The following B3GALT1 variants were observed in gnomAD, a reference collection of about 807,000 sequenced individuals.
B3GALT1 encodes the protein beta-1,3-galactosyltransferase 1, also known as UDP-Gal:betaGlcNAc beta 1,3-galactosyltransferase, polypeptide 1.
Under a neutral mutation model 23.2 loss-of-function variants are expected in B3GALT1, and 10 were observed. That is an observed-to-expected ratio of 0.43 (90% CI 0.27 to 0.73). The LOEUF (loss-of-function observed/expected upper bound fraction) is 0.73. Ranked by LOEUF, B3GALT1 falls within the 30% of genes least tolerant of loss-of-function variation. The pLI is 0.21. For missense variants in B3GALT1, 299 were observed against 405.4 expected (o/e 0.74, Z 2.25); for synonymous variants, 156 against 141.5 (o/e 1.10, Z -0.73).
chr2:167,322,530 CTAAA>C (rs745680414), intron 1 of B3GALT1, among the ~76,000 whole-genome samples: 122 of 152,010 alleles, frequency 8.0e-4, no homozygotes, highest in Non-Finnish European at 1.4e-3. Flanking sequence ...CTGTAATAGA[CTAAA>C]TAATTGCACA....
chr2:167,567,386 G>A (rs965343676), intron 2 of B3GALT1, among the ~76,000 whole-genome samples: 37 of 151,970 alleles, frequency 2.4e-4, no homozygotes, highest in Non-Finnish European at 4.3e-4. Context: ...ATAATCCAAG[G>A]CCATCTCAAG....
chr2:167,413,489 C>A (rs1327797918), intron 1 of B3GALT1, among the ~76,000 whole-genome samples: 1 of 151,944 alleles, frequency 6.6e-6, no homozygotes, highest in African/African-American at 2.4e-5. Flanking sequence ...TTTTTAAATT[C>A]ATAAATTACT....
intron 3 of B3GALT1, among the ~76,000 whole-genome samples, chr2:167,787,061 G>T (rs1397424530): frequency 6.6e-6 from 1 of 152,152 alleles, no homozygotes; most frequent in Non-Finnish European, 1.5e-5. Flanking sequence ...TTATGGCCTG[G>T]TCCGTCTGTA....
At chr2:167,726,708 C>T (rs1243299002) in intron 3 of B3GALT1, among the ~76,000 whole-genome samples, 1 of 152,226 alleles carries the variant, frequency 6.6e-6, no homozygotes, top group African/African-American at 2.4e-5. Flanking sequence ...AAATTAATAA[C>T]ATGTCTAATT....
intron 3 of B3GALT1, among the ~76,000 whole-genome samples, chr2:167,788,934 T>C (rs1242867348): frequency 6.6e-6 from 1 of 152,136 alleles, no homozygotes; most frequent in Non-Finnish European, 1.5e-5. Flanking sequence ...CATTCCATAT[T>C]CCTGTGTATA....
intron 1 of B3GALT1, among the ~76,000 whole-genome samples, chr2:167,457,409 G>A (rs1461029199): frequency 6.6e-6 from 1 of 151,832 alleles, no homozygotes; most frequent in Admixed American, 6.6e-5. Flanking sequence ...CTGACCTCAG[G>A]TGATCCACCC....
chr2:167,663,308 G>C (rs1262088170), intron 3 of B3GALT1, among the ~76,000 whole-genome samples: 1 of 151,866 alleles, frequency 6.6e-6, no homozygotes, highest in Non-Finnish European at 1.5e-5. Context: ...TTTTATGGCT[G>C]CATAGTATTC....
At chr2:167,789,159 G>A (rs1010611669) in intron 3 of B3GALT1, among the ~76,000 whole-genome samples, 7 of 152,192 alleles carry the variant, frequency 4.6e-5, no homozygotes, top group African/African-American at 9.7e-5. Context: ...TGAGGCATCG[G>A]AAGACAGGTC....
At chr2:167,294,604 T>G in intron 1 of B3GALT1, among the ~76,000 whole-genome samples, 1 of 152,172 alleles carries the variant, frequency 6.6e-6, no homozygotes, top group South Asian at 2.1e-4. Flanking sequence ...GAGTATCTGC[T>G]TAGGAAAGTT....
At chr2:167,440,275 G>A (rs940503037) in intron 1 of B3GALT1, among the ~76,000 whole-genome samples, 4 of 150,198 alleles carry the variant, frequency 2.7e-5, no homozygotes, top group Non-Finnish European at 3.0e-5. Context: ...CCTGGGAGGC[G>A]GAGCTTGCAG....
At chr2:167,725,278 G>A (rs1303452357) in intron 3 of B3GALT1, among the ~76,000 whole-genome samples, 1 of 152,064 alleles carries the variant, frequency 6.6e-6, no homozygotes, top group Non-Finnish European at 1.5e-5. Flanking sequence ...GCACTGACTG[G>A]CTTCTATACT....
chr2:167,382,170 C>T (rs1005010126), intron 1 of B3GALT1, among the ~76,000 whole-genome samples: 10 of 152,230 alleles, frequency 6.6e-5, no homozygotes, highest in African/African-American at 2.2e-4. Flanking sequence ...ATATAATGTC[C>T]GTGATTCCAC....
intron 2 of B3GALT1, among the ~76,000 whole-genome samples, chr2:167,591,131 T>C (rs1684672087): frequency 1.3e-5 from 2 of 152,152 alleles, no homozygotes; most frequent in African/African-American, 4.8e-5. Flanking sequence ...AAATCTGATG[T>C]TGCTAAGTAC....
rs1686913766 is a variant in B3GALT1 at position 167,703,501 on chromosome 2, T to TTATC, written c.-352+56537_-352+56538insTCTA. The stretch of plus-strand genomic sequence containing the variant: ...AACAGTTGGTACTGAAGGATTAAAA[T>TTATC]TAAGGTTAAAAACAGGAATGGTTGA... On this transcript the variant is annotated intron_variant, in intron 3 of 4. Transcript: ENST00000392690. 1.8e-4 allele frequency among the ~76,000 whole-genome samples: 3 copies of TTATC among 16,966 alleles called. 1 individual carries two copies. In the South Asian group the frequency reaches 0.01, roughly 58 times the overall value. 11.1% of individuals were successfully genotyped at this position (16,966 alleles called of 152,430 possible).
chr2:167,486,911 A>G (rs1246379601), intron 1 of B3GALT1, among the ~76,000 whole-genome samples: 1 of 152,138 alleles, frequency 6.6e-6, no homozygotes, highest in East Asian at 1.9e-4. Flanking sequence ...TGTTATGTTA[A>G]CTCCTTTAAT....
chr2:167,780,547 C>T (rs1688229407), intron 3 of B3GALT1, among the ~76,000 whole-genome samples: 2 of 152,172 alleles, frequency 1.3e-5, no homozygotes, highest in Admixed American at 1.3e-4. Context: ...ACTGTCATAC[C>T]TTTCTGTTAG....
chr2:167,428,984 GAAAT>G (rs760202005), intron 1 of B3GALT1, among the ~76,000 whole-genome samples: 9 of 151,984 alleles, frequency 5.9e-5, no homozygotes, highest in Non-Finnish European at 7.4e-5. Flanking sequence ...CTACAATAAA[GAAAT>G]AAATGTTTTG....
intron 2 of B3GALT1, among the ~76,000 whole-genome samples, chr2:167,609,822 C>T (rs1250990825): frequency 6.6e-6 from 1 of 152,064 alleles, no homozygotes; most frequent in Admixed American, 6.6e-5. Context: ...ATGATTGTTG[C>T]ATTACCAACC....
Position 167,547,882 on chromosome 2 carries a change from C to G in B3GALT1, c.-410+57605C>G, listed in dbSNP as rs183466570. ...TCATGAAACATCATATCAACAATCT[C>G]TAAATGACAATTTCCACTGGCTATG... On this transcript the variant is annotated intron_variant, in intron 2 of 4. Transcript: ENST00000392690. Among the ~76,000 whole-genome samples, 4 of 152,226 alleles carry G rather than the reference C, an allele frequency of 2.6e-5. No homozygotes were observed. In the East Asian group the frequency reaches 7.7e-4, roughly 29 times the overall value.
Sources: gnomAD v4.1 joint callset for allele counts (sites outside exome capture counted in the v4.1 genomes callset) on GRCh38, gnomAD v4.1.1 for gene constraint, MANE v1.5 for transcripts, NCBI Gene and HGNC (gene_info 2026-07-23, HGNC 2026-07-21) for gene names.